The following TIAM1 variants were observed in gnomAD, a reference collection of about 807,000 sequenced individuals.
TIAM1 encodes the protein rho guanine nucleotide exchange factor TIAM1.
TIAM1 carries 65 observed loss-of-function variants against 163.5 expected under a neutral mutation model. The observed-to-expected ratio is 0.40, with a 90% CI of 0.33 to 0.49. TIAM1 has a LOEUF of 0.49. Among genes scored for constraint, TIAM1 ranks in the 20% least tolerant of loss-of-function variants. The probability of loss-of-function intolerance (pLI) is 0.77; values close to 1 mark genes in which losing one functional copy is unlikely to be tolerated. For synonymous variants in TIAM1, 833 were observed against 810.1 expected (o/e 1.03, Z -0.48); for missense variants, 1,789 against 2,044.7 (o/e 0.87, Z 2.41).
At chr21:31,353,223 T>A (rs542587112) in intron 2 of TIAM1, among the ~76,000 whole-genome samples, 48 of 152,076 alleles carry the variant, frequency 3.2e-4, no homozygotes, top group Non-Finnish European at 5.3e-4. Context: ...GTGGGGGAAA[T>A]GAATCAAACC....
intron 25 of TIAM1, among the ~76,000 whole-genome samples, chr21:31,127,412 C>CTTTTTTTTT (rs199978005): frequency 1.4e-5 from 2 of 140,734 alleles, no homozygotes; most frequent in Non-Finnish European, 1.6e-5. Flanking sequence ...ATGGACCGAA[C>CTTTTTTTTT]TTTTTTTTTT....
intron 1 of TIAM1, among the ~76,000 whole-genome samples, chr21:31,556,371 G>A (rs1051547046): frequency 2.6e-5 from 4 of 152,200 alleles, no homozygotes; most frequent in Admixed American, 2.0e-4. Context: ...GAGACAGAGC[G>A]CAATCCTGAG....
intron 2 of TIAM1, among the ~76,000 whole-genome samples, chr21:31,387,870 C>T (rs2076902919): frequency 6.6e-6 from 1 of 152,058 alleles, no homozygotes. Context: ...CGCCTCCTCC[C>T]AGTGGCCCTG....
intron 2 of TIAM1, among the ~76,000 whole-genome samples, chr21:31,437,481 TGACAGAGAGA>T (rs2044248748): frequency 1.5e-5 from 2 of 135,082 alleles, no homozygotes; most frequent in African/African-American, 3.1e-5. Context: ...CTATCCTTGG[TGACAGAGAGA>T]GACCCTGTCT....
chr21:31,469,815 G>C (rs1182426037), intron 1 of TIAM1, among the ~76,000 whole-genome samples: 1 of 148,554 alleles, frequency 6.7e-6, no homozygotes, highest in Non-Finnish European at 1.5e-5. Flanking sequence ...CTGGGTGACA[G>C]AGCGAGACTC....
rs546462921 is a variant in TIAM1 at position 31,470,397 on chromosome 21, G to C, written c.-421-6362C>G. Among the ~76,000 whole-genome samples the C allele has an allele frequency of 1.1e-4, 16 of 152,020 alleles. No homozygotes were observed. The East Asian group carries it at 2.9e-3, about 28-fold the overall frequency. On this transcript the variant is annotated intron_variant, in intron 1 of 28. Transcript: ENST00000286827. ...TGCCCAGGCTGGAGTGCAGTGGCACGATCTCGGCTCACTGCAACTTCTACC... is the reference window on the plus strand; with the variant it reads ...TGCCCAGGCTGGAGTGCAGTGGCACCATCTCGGCTCACTGCAACTTCTACC...
intron 2 of TIAM1, among the ~76,000 whole-genome samples, chr21:31,362,681 G>A (rs185246004): frequency 6.6e-6 from 1 of 151,938 alleles, no homozygotes; most frequent in Non-Finnish European, 1.5e-5. Flanking sequence ...TGGCCAGGCT[G>A]GTCACGAACT....
intron 2 of TIAM1, among the ~76,000 whole-genome samples, chr21:31,302,306 T>C (rs961880169): frequency 2.6e-5 from 4 of 152,196 alleles, no homozygotes; most frequent in East Asian, 3.8e-4. Context: ...TATTTAACTA[T>C]CATAACTTCA....
intron 1 of TIAM1, among the ~76,000 whole-genome samples, chr21:31,499,617 C>T (rs1363017085): frequency 1.3e-5 from 2 of 151,832 alleles, no homozygotes; most frequent in Non-Finnish European, 2.9e-5. Context: ...TTTGGGAGGC[C>T]GAGGAAGACG....
intron 1 of TIAM1, among the ~76,000 whole-genome samples, chr21:31,500,946 A>G (rs1468364706): frequency 2.0e-5 from 3 of 152,218 alleles, no homozygotes; most frequent in Non-Finnish European, 4.4e-5. Flanking sequence ...TACAAAAACC[A>G]AATTCTTGAC....
chr21:31,356,277 T>C (rs149998823), intron 2 of TIAM1, among the ~76,000 whole-genome samples: 6 of 152,336 alleles, frequency 3.9e-5, no homozygotes, highest in African/African-American at 1.4e-4. Flanking sequence ...TTCAAGACAC[T>C]GCATGCCAAA....
intron 16 of TIAM1, among the ~76,000 whole-genome samples, chr21:31,164,440 A>C (rs1386357096): frequency 6.6e-6 from 1 of 152,196 alleles, no homozygotes; most frequent in Admixed American, 6.5e-5. Flanking sequence ...CTTGCACCAA[A>C]AAGTCAGGAG....
chr21:31,455,459 C>G (rs1292960014), intron 2 of TIAM1, among the ~76,000 whole-genome samples: 2 of 150,974 alleles, frequency 1.3e-5, no homozygotes, highest in Non-Finnish European at 2.9e-5. Flanking sequence ...GTCGCCCACA[C>G]TGGAGTGCAG....
intron 1 of TIAM1, among the ~76,000 whole-genome samples, chr21:31,501,979 G>A (rs1312185066): frequency 6.6e-6 from 1 of 152,148 alleles, no homozygotes; most frequent in Non-Finnish European, 1.5e-5. Context: ...TGCCCCATCC[G>A]CAGCCACCTG....
At chr21:31,442,250 T>G (rs1264828692) in intron 2 of TIAM1, among the ~76,000 whole-genome samples, 14 of 144,056 alleles carry the variant, frequency 9.7e-5, no homozygotes. Context: ...TTTTTTTTTT[T>G]GAAACAGAGT....
At chr21:31,219,755 A>G (rs114141139) in intron 8 of TIAM1, among the ~76,000 whole-genome samples, 2 of 152,106 alleles carry the variant, frequency 1.3e-5, no homozygotes, top group African/African-American at 4.8e-5. Context: ...AAAACAAAAA[A>G]AAACCCCAGA....
chr21:31,306,917 C>A (rs1323204754), intron 2 of TIAM1, among the ~76,000 whole-genome samples: 1 of 152,174 alleles, frequency 6.6e-6, no homozygotes, highest in Non-Finnish European at 1.5e-5. Flanking sequence ...CTGTATAGAA[C>A]AGTTGCCTTG....
intron 3 of TIAM1, among the ~76,000 whole-genome samples, chr21:31,267,703 G>A (rs947973181): frequency 4.0e-5 from 6 of 151,846 alleles, no homozygotes; most frequent in Admixed American, 3.3e-4. Context: ...CATTTGGGGA[G>A]GGCTATGGAG....
rs180877343 is a variant in TIAM1 at position 31,395,895 on chromosome 21, G to A, written c.-368-56473C>T. Reference sequence around the variant, plus strand: ...CCTGAACAGAAAGAAAACAAGGAGCGAAAACAAAATAAGGCTGTCTAGCAA... The same window carrying A: ...CCTGAACAGAAAGAAAACAAGGAGCAAAAACAAAATAAGGCTGTCTAGCAA... On this transcript the variant is annotated intron_variant, in intron 2 of 28. Coordinates refer to the TIAM1 transcript ENST00000286827. The surrounding 1 kb of genome is among the most constrained non-coding windows in gnomAD (Gnocchi z 7.5). Among the ~76,000 whole-genome samples, 31 of 152,144 alleles carry A rather than the reference G, an allele frequency of 2.0e-4. No homozygotes were observed. Among genetic ancestry groups the A allele is most frequent in the African/African-American group, 4.8e-4 (20 of 41,522 alleles).
Sources: allele counts gnomAD v4.1 joint callset (sites outside exome capture counted in the v4.1 genomes callset), GRCh38; gene constraint gnomAD v4.1.1; non-coding constraint Gnocchi (gnomAD v3.1); transcripts MANE v1.5; gene names NCBI Gene and HGNC (gene_info 2026-07-23, HGNC 2026-07-21).